CAST: variants seen among roughly 807,000 people sequenced by gnomAD.
CAST encodes the protein calpastatin.
Under a neutral mutation model 119.6 loss-of-function variants are expected in CAST, and 76 were observed. That is an observed-to-expected ratio of 0.64 (90% CI 0.53 to 0.77). The LOEUF (loss-of-function observed/expected upper bound fraction) is 0.77, where lower values mean the gene tolerates loss of function less well. Among genes scored for constraint, CAST ranks in the 30% least tolerant of loss-of-function variants. The pLI is 0.00. For missense variants in CAST, 953 were observed against 946.5 expected, an observed-to-expected ratio of 1.01 and a Z score of -0.09; for synonymous variants, 319 against 331.6, an observed-to-expected ratio of 0.96 and a Z score of 0.41.
chr5:96,391,835 A>C, the CAST span: 1 of 152,248 alleles, frequency 6.6e-6, no homozygotes, highest in Non-Finnish European at 1.5e-5. Flanking sequence ...AACATTCTGC[A>C]TACCAAACAA....
chr5:96,125,387 T>C, the CAST span, among the ~76,000 whole-genome samples: 1 of 152,164 alleles, frequency 6.6e-6, no homozygotes, highest in Non-Finnish European at 1.5e-5. Context: ...TTCTCAGTGA[T>C]GGAGCAGGCA....
the CAST span, among the ~76,000 whole-genome samples, chr5:96,362,238 G>A: frequency 1.3e-5 from 2 of 152,108 alleles, no homozygotes; most frequent in South Asian, 2.1e-4. Flanking sequence ...TATCATTGAT[G>A]GACATTTGGG....
chr5:96,602,231 G>A (rs754319766), intron 1 of CAST, among the ~76,000 whole-genome samples: 1 of 152,180 alleles, frequency 6.6e-6, no homozygotes, highest in Non-Finnish European at 1.5e-5. Flanking sequence ...CATAGCTAAT[G>A]TTATACTGCT....
the CAST span, among the ~76,000 whole-genome samples, chr5:96,513,873 A>G: frequency 1.3e-5 from 2 of 152,212 alleles, no homozygotes; most frequent in East Asian, 3.8e-4. Context: ...CTGCAGGACC[A>G]TGCTTTCTCT....
At chr5:96,517,529 A>G in the CAST span, among the ~76,000 whole-genome samples, 4 of 152,316 alleles carry the variant, frequency 2.6e-5, no homozygotes, top group East Asian at 7.7e-4. Flanking sequence ...GTGAAATCAG[A>G]TATAGAGGAG....
chr5:96,145,177 T>C, the CAST span, among the ~76,000 whole-genome samples: 1 of 152,224 alleles, frequency 6.6e-6, no homozygotes, highest in Non-Finnish European at 1.5e-5. Flanking sequence ...TAATATTAGT[T>C]TATCTTTCAT....
At chr5:95,985,626 A>G in the CAST span, among the ~76,000 whole-genome samples, 1 of 152,212 alleles carries the variant, frequency 6.6e-6, no homozygotes, top group Non-Finnish European at 1.5e-5. Flanking sequence ...AGACTTCCTT[A>G]GGACATTTAC....
chr5:96,535,410 T>C (rs914851486), intron 1 of CAST, among the ~76,000 whole-genome samples: 3 of 152,138 alleles, frequency 2.0e-5, no homozygotes, highest in African/African-American at 7.2e-5. Flanking sequence ...TTTAAAAATG[T>C]TATTTAGAAA....
the CAST span, among the ~76,000 whole-genome samples, chr5:96,250,300 A>G: frequency 3.9e-5 from 6 of 152,230 alleles, no homozygotes; most frequent in Admixed American, 6.5e-5. Flanking sequence ...TAGACAAGCC[A>G]GAGCCAATGT....
chr5:96,006,304 GGAA>G, the CAST span, among the ~76,000 whole-genome samples: 61 of 151,960 alleles, frequency 4.0e-4, no homozygotes, highest in Middle Eastern at 3.4e-3. Flanking sequence ...GGGCCACAAT[GGAA>G]GAAGAATTGT....
the CAST span, among the ~76,000 whole-genome samples, chr5:96,096,566 A>T: frequency 3.9e-5 from 6 of 152,156 alleles, no homozygotes; most frequent in Non-Finnish European, 8.8e-5. Flanking sequence ...CTTAGTCACT[A>T]CCCAAACCTC....
At chr5:96,368,244 A>T in the CAST span, among the ~76,000 whole-genome samples, 1 of 151,990 alleles carries the variant, frequency 6.6e-6, no homozygotes, top group Non-Finnish European at 1.5e-5. Context: ...TCACTCCTGT[A>T]ATACCAGCAC....
chr5:96,125,720 T>C, the CAST span, among the ~76,000 whole-genome samples: 2 of 152,152 alleles, frequency 1.3e-5, no homozygotes, highest in Non-Finnish European at 2.9e-5. Context: ...ATTCTTCCTT[T>C]TCTATGAGGT....
chr5:96,370,226 GATTACACAAT>G, the CAST span, among the ~76,000 whole-genome samples: 1 of 151,982 alleles, frequency 6.6e-6, no homozygotes. Flanking sequence ...ACTTGCCTAA[GATTACACAAT>G]ATTAGGCAGT....
the CAST span, among the ~76,000 whole-genome samples, chr5:96,253,761 T>C: frequency 6.6e-6 from 1 of 152,250 alleles, no homozygotes; most frequent in East Asian, 1.9e-4. Flanking sequence ...ATTTTTTAAA[T>C]ATTGCATTTG....
the CAST span, among the ~76,000 whole-genome samples, chr5:96,498,262 T>C: frequency 6.6e-6 from 1 of 152,266 alleles, no homozygotes; most frequent in Admixed American, 6.5e-5. Context: ...TTGGTTACTG[T>C]AGCTGTGTAG....
At chr5:96,015,151 A>T in the CAST span, among the ~76,000 whole-genome samples, 1 of 152,362 alleles carries the variant, frequency 6.6e-6, no homozygotes, top group East Asian at 1.9e-4. Context: ...CAGCTAAGTC[A>T]TGACTTCTCT....
chr5:96,068,457 C>T, the CAST span, among the ~76,000 whole-genome samples: 7 of 152,038 alleles, frequency 4.6e-5, no homozygotes, highest in Admixed American at 2.0e-4. Context: ...TTCAACTTCT[C>T]CTGCTCCATA....
the CAST span, among the ~76,000 whole-genome samples, chr5:96,329,638 G>A: frequency 6.6e-6 from 1 of 152,320 alleles, no homozygotes; most frequent in East Asian, 1.9e-4. Context: ...GAGAAGTCAG[G>A]CTACTCTTTA....
Sources: gnomAD v4.1 joint callset for allele counts (sites outside exome capture counted in the v4.1 genomes callset) on GRCh38, gnomAD v4.1.1 for gene constraint, MANE v1.5 for transcripts, NCBI Gene and HGNC (gene_info 2026-07-23, HGNC 2026-07-21) for gene names.